The following LINGO2 variants were observed in gnomAD, a reference collection of about 807,000 sequenced individuals.
LINGO2 encodes the protein leucine rich repeat and Ig domain containing 2, also known as leucine-rich repeat and immunoglobulin-like domain-containing nogo receptor-interacting protein 2.
In LINGO2, 14 loss-of-function variants were observed where a neutral mutation model predicts 30.6. The ratio of observed to expected loss-of-function variants is 0.46; its 90% CI spans 0.30 to 0.72. The LOEUF (loss-of-function observed/expected upper bound fraction) is 0.72, where lower values mean the gene tolerates loss of function less well. LINGO2 is among the 30% of genes least tolerant of loss of function. The pLI, the probability that LINGO2 is intolerant of heterozygous loss-of-function variation, is 0.07. For missense variants in LINGO2, 729 were observed against 751.7 expected, an observed-to-expected ratio of 0.97 and a Z score of 0.35; for synonymous variants, 317 against 288.5, an observed-to-expected ratio of 1.10 and a Z score of -1.00.
chr9:28,441,686 T>A (rs2135019857), intron 2 of LINGO2, among the ~76,000 whole-genome samples: 1 of 152,276 alleles, frequency 6.6e-6, no homozygotes, highest in African/African-American at 2.4e-5. Context: ...GTTACCACGC[T>A]TTTCATAAAA....
At chr9:28,740,262 G>C in the LINGO2 span, among the ~76,000 whole-genome samples, 1 of 151,638 alleles carries the variant, frequency 6.6e-6, no homozygotes, top group South Asian at 2.1e-4. Context: ...ATATCTGCTA[G>C]ATCTAGTTTG....
chr9:29,045,735 G>A, the LINGO2 span, among the ~76,000 whole-genome samples: 1 of 152,116 alleles, frequency 6.6e-6, no homozygotes, highest in African/African-American at 2.4e-5. Flanking sequence ...GCTTAGGGCA[G>A]TAAAACCATT....
chr9:28,922,774 T>C, the LINGO2 span, among the ~76,000 whole-genome samples: 1 of 152,206 alleles, frequency 6.6e-6, no homozygotes, highest in Non-Finnish European at 1.5e-5. Flanking sequence ...GCATAGCTTA[T>C]GGTAGGCTGA....
chr9:28,885,358 T>TACACACACACAC, the LINGO2 span, among the ~76,000 whole-genome samples: 6,865 of 141,930 alleles, frequency 0.048, 191 homozygotes, highest in South Asian at 0.078. Context: ...GATATATATA[T>TACACACACACAC]ATACACACAC....
chr9:28,973,233 T>C, the LINGO2 span, among the ~76,000 whole-genome samples: 89 of 152,250 alleles, frequency 5.8e-4, no homozygotes, highest in African/African-American at 2.0e-3. Context: ...TCAAGGCATT[T>C]AATAATCAAA....
chr9:28,806,167 G>A, the LINGO2 span, among the ~76,000 whole-genome samples: 7 of 152,130 alleles, frequency 4.6e-5, no homozygotes, highest in East Asian at 1.2e-3. Flanking sequence ...ATGTCCTAAT[G>A]GAGACTCAAA....
rs367950525 is a variant in LINGO2, at chr9:28,173,303, ACT to A, written c.-87+121903_-87+121904del. On this transcript the variant is annotated intron_variant, in intron 4 of 5. Coordinates refer to ENST00000379992, the Ensembl canonical transcript of LINGO2. ...TCTATTCCAAAAGACCTGGCAGCTC[ACT>A]CTCTTTAAAATGGTATTTATATCTG... 3.1e-4 allele frequency among the ~76,000 whole-genome samples: 47 copies of A among 152,224 alleles called. No homozygotes were observed. The East Asian group carries it at 7.9e-3, about 26-fold the overall frequency.
chr9:28,617,964 A>C (rs886813382), intron 1 of LINGO2, among the ~76,000 whole-genome samples: 1 of 152,190 alleles, frequency 6.6e-6, no homozygotes, highest in Non-Finnish European at 1.5e-5. Context: ...GATGATGTGA[A>C]GATATCACTG....
the LINGO2 span, among the ~76,000 whole-genome samples, chr9:28,793,110 T>A: frequency 1.3e-5 from 2 of 152,068 alleles, no homozygotes; most frequent in Admixed American, 6.6e-5. Flanking sequence ...ATCCAATATC[T>A]TTACTTTAAT....
chr9:28,193,761 G>A (rs779294882), intron 4 of LINGO2, among the ~76,000 whole-genome samples: 1 of 152,186 alleles, frequency 6.6e-6, no homozygotes, highest in Admixed American at 6.5e-5. Flanking sequence ...GACAGTTCTG[G>A]TTCAGAGTCC....
At chr9:27,977,992 G>T (rs1361374677) in intron 5 of LINGO2, among the ~76,000 whole-genome samples, 1 of 151,944 alleles carries the variant, frequency 6.6e-6, no homozygotes, top group African/African-American at 2.4e-5. Flanking sequence ...ATCATTTTTG[G>T]TGTAGCTGAG....
At chr9:28,788,289 T>C in the LINGO2 span, among the ~76,000 whole-genome samples, 1 of 152,214 alleles carries the variant, frequency 6.6e-6, no homozygotes, top group African/African-American at 2.4e-5. Flanking sequence ...CAGTGAACTG[T>C]GTCAGAAGGG....
chr9:28,580,907 C>A (rs1435194757), intron 1 of LINGO2, among the ~76,000 whole-genome samples: 1 of 151,690 alleles, frequency 6.6e-6, no homozygotes, highest in African/African-American at 2.4e-5. Flanking sequence ...ACAGTTGAAC[C>A]TTTAAAAAAA....
chr9:28,743,938 A>C, the LINGO2 span, among the ~76,000 whole-genome samples: 1 of 151,494 alleles, frequency 6.6e-6, no homozygotes, highest in Admixed American at 6.6e-5. Context: ...CTTCTGCTAC[A>C]TGTATGTTGG....
intron 4 of LINGO2, among the ~76,000 whole-genome samples, chr9:28,042,242 A>AC (rs1365861249): frequency 1.3e-5 from 2 of 152,166 alleles, no homozygotes; most frequent in African/African-American, 4.8e-5. Flanking sequence ...CATGATTAGG[A>AC]CATGCTTCAG....
intron 5 of LINGO2, among the ~76,000 whole-genome samples, chr9:27,991,984 T>G (rs1821420845): frequency 6.6e-6 from 1 of 152,100 alleles, no homozygotes. Context: ...ACACTCATTT[T>G]CACTTCTATC....
chr9:28,362,211 T>C (rs1820474225), intron 3 of LINGO2, among the ~76,000 whole-genome samples: 1 of 119,290 alleles, frequency 8.4e-6, no homozygotes, highest in Non-Finnish European at 1.9e-5. Context: ...AAATTGTGTG[T>C]GTATGTGTGT....
chr9:28,793,419 G>A, the LINGO2 span, among the ~76,000 whole-genome samples: 1 of 152,066 alleles, frequency 6.6e-6, no homozygotes, highest in African/African-American at 2.4e-5. Context: ...AGTCTTTTTC[G>A]ATCACACCCT....
At chr9:28,931,635 G>A in the LINGO2 span, among the ~76,000 whole-genome samples, 3 of 152,210 alleles carry the variant, frequency 2.0e-5, no homozygotes, top group South Asian at 2.1e-4. Flanking sequence ...TAGAGGCATC[G>A]TACAGTATAA....
Sources: allele counts gnomAD v4.1 joint callset (sites outside exome capture counted in the v4.1 genomes callset), GRCh38; gene constraint gnomAD v4.1.1; transcripts MANE v1.5; gene names NCBI Gene and HGNC (gene_info 2026-07-23, HGNC 2026-07-21).